USP10: variants seen among roughly 807,000 people sequenced by gnomAD.
USP10 encodes the protein ubiquitin specific peptidase 10.
Under a neutral mutation model 84.5 loss-of-function variants are expected in USP10, and 22 were observed. The ratio of observed to expected loss-of-function variants is 0.26; its 90% confidence interval spans 0.19 to 0.37. USP10 has a LOEUF of 0.37. Among genes scored for constraint, USP10 ranks in the 10% least tolerant of loss-of-function variants. The pLI is 1.00. For missense variants in USP10, 1,019 were observed against 998.9 expected (o/e 1.02, Z -0.27); for synonymous variants, 454 against 387.6 (o/e 1.17, Z -2.01).
At chr16:84,748,153 C>T (rs1362788094) in intron 4 of USP10, among the ~76,000 whole-genome samples, 1 of 51,176 alleles carries the variant, frequency 2.0e-5, no homozygotes, top group Non-Finnish European at 3.4e-5. Flanking sequence ...GACTCCATCT[C>T]AAAAAAAAAA....
At chr16:84,730,975 CCTT>C (rs1435698459) in intron 1 of USP10, among the ~76,000 whole-genome samples, 36 of 136,096 alleles carry the variant, frequency 2.6e-4, no homozygotes, top group Non-Finnish European at 6.2e-5. Flanking sequence ...AGCATTTCTA[CCTT>C]TTTTTTTTTT....
At chr16:84,704,861 G>A (rs1260999159) in intron 1 of USP10, 5 of 1,535,750 alleles carry the variant, frequency 3.3e-6, no homozygotes, top group Non-Finnish European at 4.4e-6. Flanking sequence ...AATAGGGCAG[G>A]TAAGGTGTTG....
chr16:84,716,843 T>C (rs377745152), intron 1 of USP10, among the ~76,000 whole-genome samples: 31 of 152,308 alleles, frequency 2.0e-4, no homozygotes, highest in African/African-American at 7.5e-4. Flanking sequence ...TCTAAACTTA[T>C]CCCAGCATAA....
intron 12 of USP10, among the ~76,000 whole-genome samples, chr16:84,774,549 C>A (rs1407206562): frequency 6.6e-6 from 1 of 151,262 alleles, no homozygotes; most frequent in Non-Finnish European, 1.5e-5. Flanking sequence ...CGGCTCGCTG[C>A]AACCTCTGCC....
chr16:84,712,384 G>A (rs1380424804), intron 1 of USP10, among the ~76,000 whole-genome samples: 1 of 152,210 alleles, frequency 6.6e-6, no homozygotes, highest in African/African-American at 2.4e-5. Context: ...TTTCGGGTCA[G>A]GAAGGCTTTC....
At chr16:84,730,524 A>G (rs1236794414) in intron 1 of USP10, among the ~76,000 whole-genome samples, 3 of 152,212 alleles carry the variant, frequency 2.0e-5, no homozygotes, top group South Asian at 4.1e-4. Context: ...ATAATAGGAG[A>G]AAAAAAACTC....
intron 4 of USP10, among the ~76,000 whole-genome samples, chr16:84,747,530 A>C (rs999042550): frequency 3.5e-5 from 5 of 141,188 alleles, no homozygotes; most frequent in African/African-American, 1.3e-4. Flanking sequence ...TTTGGGCTTC[A>C]TATATATTTT....
intron 1 of USP10, among the ~76,000 whole-genome samples, chr16:84,720,606 G>T (rs1907664294): frequency 1.7e-5 from 1 of 57,696 alleles, no homozygotes; most frequent in Admixed American, 2.2e-4. Context: ...TTTTGAGATG[G>T]AGCCTCGCTG....
chr16:84,750,838 TG>T (rs2150833364), intron 4 of USP10, among the ~76,000 whole-genome samples: 1 of 152,364 alleles, frequency 6.6e-6, no homozygotes, highest in South Asian at 2.1e-4. Flanking sequence ...TGAACAGCTC[TG>T]AAAACATTGC....
intron 13 of USP10, among the ~76,000 whole-genome samples, chr16:84,778,480 A>G (rs1305768573): frequency 6.6e-6 from 1 of 152,166 alleles, no homozygotes; most frequent in African/African-American, 2.4e-5. Flanking sequence ...ACTGTTATAA[A>G]TGACATCATA....
rs532053918 is a variant in USP10, at chr16:84,719,143, A to G, written c.22-14292A>G. ...TTTTGCCTTTATTAACTTGTTAATGATCAGTAAACCCTTAAAAGCACTAAA... is the reference window on the plus strand; with the variant it reads ...TTTTGCCTTTATTAACTTGTTAATGGTCAGTAAACCCTTAAAAGCACTAAA... On this transcript the variant is annotated intron_variant, in intron 1 of 13. Coordinates refer to ENST00000219473, the MANE Select transcript of USP10 (RefSeq NM_005153.3). Among the ~76,000 whole-genome samples, 11 of 152,286 alleles carry G rather than the reference A, an allele frequency of 7.2e-5. 2 individuals are homozygous for G. Among genetic ancestry groups the G allele is most frequent in the African/African-American group, 2.6e-4 (11 of 41,550 alleles).
chr16:84,728,561 C>T (rs1003928315), intron 1 of USP10, among the ~76,000 whole-genome samples: 1 of 152,030 alleles, frequency 6.6e-6, no homozygotes, highest in African/African-American at 2.4e-5. Context: ...AATCTCCTGA[C>T]CTCGTGATCC....
chr16:84,706,124 C>T (rs1040761852), intron 1 of USP10, among the ~76,000 whole-genome samples: 2 of 152,126 alleles, frequency 1.3e-5, no homozygotes, highest in African/African-American at 4.8e-5. Flanking sequence ...TCAAGGGATC[C>T]CTTCTGCTTC....
intron 4 of USP10, among the ~76,000 whole-genome samples, chr16:84,755,594 C>A (rs1029799011): frequency 6.6e-6 from 1 of 152,102 alleles, no homozygotes; most frequent in Non-Finnish European, 1.5e-5. Flanking sequence ...CATAATCACG[C>A]CACTGCACTC....
intron 5 of USP10, 44 bp from the exon 6 acceptor site, chr16:84,759,319 G>T (rs936239574): frequency 1.7e-5 from 27 of 1,559,342 alleles, no homozygotes; most frequent in Non-Finnish European, 2.2e-5. Flanking sequence ...GAAATGTGGT[G>T]TGTCTGTTCA....
intron 12 of USP10, among the ~76,000 whole-genome samples, chr16:84,773,520 G>T (rs1343368818): frequency 6.6e-6 from 1 of 152,132 alleles, no homozygotes; most frequent in Non-Finnish European, 1.5e-5. Context: ...CTACCCTAGG[G>T]GCGCCCTATA....
chr16:84,764,390 C>A, intron 10 of USP10, 127 bp downstream of exon 10: 2 of 1,277,798 alleles, frequency 1.6e-6, no homozygotes, highest in Non-Finnish European at 2.2e-6. Context: ...TGCTCCCCTG[C>A]CTGCTCTTCT....
intron 3 of USP10, among the ~76,000 whole-genome samples, chr16:84,743,453 A>G (rs941830136): frequency 6.6e-6 from 1 of 152,184 alleles, no homozygotes; most frequent in Non-Finnish European, 1.5e-5. Flanking sequence ...TTCTTCTACA[A>G]AAAGATTTCT....
chr16:84,727,713 T>G (rs1016454352), intron 1 of USP10, among the ~76,000 whole-genome samples: 1 of 152,168 alleles, frequency 6.6e-6, no homozygotes, highest in Non-Finnish European at 1.5e-5. Context: ...TATACAGACA[T>G]ACAATATTTT....
Sources: gnomAD v4.1 joint callset for allele counts (sites outside exome capture counted in the v4.1 genomes callset) on GRCh38, gnomAD v4.1.1 for gene constraint, MANE v1.5 for transcripts, NCBI Gene and HGNC (gene_info 2026-07-23, HGNC 2026-07-21) for gene names.